Variants in DIPK1A observed in about 807,000 individuals in gnomAD.
DIPK1A encodes the protein family with sequence similarity 69 member A.
In DIPK1A, 27 loss-of-function variants were observed where a neutral mutation model predicts 40.8. The ratio of observed to expected loss-of-function variants is 0.66; its 90% CI spans 0.49 to 0.91. The LOEUF is 0.91. Ranked by LOEUF, DIPK1A falls within the 40% of genes least tolerant of loss-of-function variation. The probability of loss-of-function intolerance (pLI) is 0.00; values close to 1 mark genes in which losing one functional copy is unlikely to be tolerated. For synonymous variants in DIPK1A, 166 were observed against 171.3 expected (o/e 0.97, Z 0.24); for missense variants, 412 against 505.7 (o/e 0.81, Z 1.78).
intron 4 of DIPK1A, chr1:92,833,529 TA>T: frequency 6.2e-7 from 1 of 1,612,754 alleles, no homozygotes; most frequent in Non-Finnish European, 8.5e-7. Context: ...TTTCTACAAT[TA>T]TTTTTTTCTT....
At chr1:92,834,757 C>T (rs769368368) in intron 4 of DIPK1A, 1 of 1,612,104 alleles carries the variant, frequency 6.2e-7, no homozygotes, top group Non-Finnish European at 8.5e-7. Flanking sequence ...AGATTACTAA[C>T]CTAGTTTCTC....
chr1:92,839,038 T>G (rs527355702), downstream of DIPK1A, among the ~76,000 whole-genome samples: 1 of 151,814 alleles, frequency 6.6e-6, no homozygotes, highest in African/African-American at 2.4e-5. Context: ...CAGCTTTTTT[T>G]TTTTTTTTTT....
chr1:92,918,929 C>T (rs532474358), intron 1 of DIPK1A, among the ~76,000 whole-genome samples: 11 of 152,296 alleles, frequency 7.2e-5, no homozygotes, highest in African/African-American at 2.6e-4. Flanking sequence ...CTAATGCCAC[C>T]GCTGATCCGG....
chr1:92,935,289 T>G, intron 1 of DIPK1A, among the ~76,000 whole-genome samples: 1 of 152,212 alleles, frequency 6.6e-6, no homozygotes, highest in East Asian at 1.9e-4. Context: ...AACTTGACAT[T>G]CCCGTTCAGT....
At chr1:92,943,698 A>G (rs985597581) in intron 1 of DIPK1A, among the ~76,000 whole-genome samples, 1 of 152,216 alleles carries the variant, frequency 6.6e-6, no homozygotes, top group African/African-American at 2.4e-5. Context: ...GGCTCAACCT[A>G]GAGCAAACAG....
At chr1:92,948,809 AT>A (rs556859459) in intron 1 of DIPK1A, among the ~76,000 whole-genome samples, 2 of 138,734 alleles carry the variant, frequency 1.4e-5, no homozygotes, top group Non-Finnish European at 3.0e-5. Context: ...ATATATATAT[AT>A]TTTTCCCCCC....
intron 4 of DIPK1A, chr1:92,833,124 TGGGGC>T: frequency 1.5e-6 from 1 of 680,292 alleles, no homozygotes; most frequent in East Asian, 2.7e-5. Context: ...TGTAATAAAT[TGGGGC>T]CTGCATTTTG....
At chr1:92,891,531 A>C (rs1648878162) in intron 1 of DIPK1A, among the ~76,000 whole-genome samples, 1 of 152,120 alleles carries the variant, frequency 6.6e-6, no homozygotes, top group South Asian at 2.1e-4. Flanking sequence ...TTCGGGGTGG[A>C]GCCAAGATGG....
chr1:92,863,126 A>T (rs1647353228), intron 2 of DIPK1A, among the ~76,000 whole-genome samples: 1 of 152,142 alleles, frequency 6.6e-6, no homozygotes, highest in South Asian at 2.1e-4. Context: ...AGTCTCACTT[A>T]TGTGCTCCTC....
chr1:92,931,950 TC>T (rs1650765068), intron 1 of DIPK1A: 16 of 315,196 alleles, frequency 5.1e-5, no homozygotes, highest in South Asian at 4.9e-4. Context: ...AAGAAATACA[TC>T]AGGCAAATAA....
At chr1:92,946,671 C>T (rs1448514192) in intron 1 of DIPK1A, among the ~76,000 whole-genome samples, 2 of 152,110 alleles carry the variant, frequency 1.3e-5, no homozygotes, top group African/African-American at 4.8e-5. Flanking sequence ...AGGCTGGGCC[C>T]GATGGCTCAT....
chr1:92,838,619 G>A (rs557352383), downstream of DIPK1A, among the ~76,000 whole-genome samples: 1 of 152,300 alleles, frequency 6.6e-6, no homozygotes, highest in African/African-American at 2.4e-5. Flanking sequence ...ATCCTCCTGT[G>A]TGCCTGCTGA....
At chr1:92,912,377 T>C (rs1441721749) in intron 1 of DIPK1A, among the ~76,000 whole-genome samples, 1 of 152,098 alleles carries the variant, frequency 6.6e-6, no homozygotes, top group Non-Finnish European at 1.5e-5. Flanking sequence ...TTACAAATAT[T>C]ATATTCATAA....
At chr1:92,922,160 GC>G (rs1650294104) in intron 1 of DIPK1A, among the ~76,000 whole-genome samples, 1 of 151,566 alleles carries the variant, frequency 6.6e-6, no homozygotes, top group African/African-American at 2.4e-5. Context: ...TATTTTGTAT[GC>G]CCTTTTGCTT....
chr1:92,870,473 G>A (rs1056570601), intron 2 of DIPK1A, among the ~76,000 whole-genome samples: 6 of 152,124 alleles, frequency 3.9e-5, no homozygotes, highest in East Asian at 1.9e-4. Flanking sequence ...TGATCCACCC[G>A]CCTCAGCCTC....
At chr1:92,918,709 A>T (rs766502508) in intron 1 of DIPK1A, among the ~76,000 whole-genome samples, 6 of 152,096 alleles carry the variant, frequency 3.9e-5, no homozygotes, top group Non-Finnish European at 8.8e-5. Flanking sequence ...TATCTAAACG[A>T]GCAGTCCCCA....
downstream of DIPK1A, chr1:92,841,676 T>TATCA (rs1571040500): frequency 1.3e-6 from 1 of 775,680 alleles, no homozygotes; most frequent in East Asian, 3.3e-5. Context: ...AAATATTCTC[T>TATCA]ATCAAAATTA....
downstream of DIPK1A, chr1:92,842,091 C>T: frequency 1.2e-6 from 1 of 823,190 alleles, no homozygotes; most frequent in Non-Finnish European, 1.7e-6. Context: ...TGACAGGAGT[C>T]ATTATCCCTT....
chr1:92,893,504 A>G (rs1354612640), intron 1 of DIPK1A, among the ~76,000 whole-genome samples: 1 of 152,098 alleles, frequency 6.6e-6, no homozygotes, highest in African/African-American at 2.4e-5. Context: ...TGAAGGAAGC[A>G]CTAAACATGG....
Sources: gnomAD v4.1 joint callset for allele counts (sites outside exome capture counted in the v4.1 genomes callset) on GRCh38, gnomAD v4.1.1 for gene constraint, MANE v1.5 for transcripts, NCBI Gene and HGNC (gene_info 2026-07-23, HGNC 2026-07-21) for gene names.